COL21A1: variants seen among roughly 807,000 people sequenced by gnomAD.
The protein encoded by COL21A1 is collagen type XXI alpha 1 chain.
A neutral mutation model predicts 137.9 loss-of-function variants in COL21A1; 149 were observed. The observed-to-expected ratio is 1.08, with a 90% CI of 0.95 to 1.24. COL21A1 has a LOEUF of 1.24. Ranked by LOEUF, COL21A1 falls within the 50% of genes most tolerant of loss-of-function variation. The pLI is 0.00. For missense variants in COL21A1, 1,167 were observed against 1,158.4 expected, an observed-to-expected ratio of 1.01 and a Z score of -0.11; for synonymous variants, 456 against 391.5, an observed-to-expected ratio of 1.16 and a Z score of -1.95.
At chr6:56,186,582 G>C (rs138080508) in intron 1 of COL21A1, among the ~76,000 whole-genome samples, 7 of 152,066 alleles carry the variant, frequency 4.6e-5, no homozygotes. Context: ...TATGGAAAAC[G>C]TGATAATCTA....
At chr6:56,129,906 C>T (rs755869167) in intron 12 of COL21A1, among the ~76,000 whole-genome samples, 10 of 150,462 alleles carry the variant, frequency 6.6e-5, no homozygotes, top group Non-Finnish European at 1.5e-4. Context: ...ATATGAACTC[C>T]TAATACAAGA....
chr6:56,232,520 T>C (rs1236004379), intron 1 of COL21A1, among the ~76,000 whole-genome samples: 1 of 151,876 alleles, frequency 6.6e-6, no homozygotes, highest in African/African-American at 2.4e-5. Flanking sequence ...GGTGGGAAAC[T>C]CTCCTATCTC....
At chr6:56,260,864 G>GTGTGTGTGTGTC (rs1763253973) in intron 1 of COL21A1, among the ~76,000 whole-genome samples, 2 of 139,720 alleles carry the variant, frequency 1.4e-5, no homozygotes, top group Admixed American at 1.4e-4. Flanking sequence ...GTGTGTGTGT[G>GTGTGTGTGTGTC]TGTGTGTGTG....
At chr6:56,221,349 T>C (rs1736001303) in intron 1 of COL21A1, among the ~76,000 whole-genome samples, 3 of 152,256 alleles carry the variant, frequency 2.0e-5, no homozygotes, top group South Asian at 4.1e-4. Flanking sequence ...AAGTCTTAGG[T>C]TCCAAACTAG....
chr6:56,385,143 A>T (rs1285374396), intron 1 of COL21A1, among the ~76,000 whole-genome samples: 1 of 152,204 alleles, frequency 6.6e-6, no homozygotes, highest in Non-Finnish European at 1.5e-5. Context: ...GTAGGGATCA[A>T]ATCTGAGTGT....
In COL21A1 at chr6:56,246,895, A is replaced by C. The variant is rs113474080; in HGVS notation, c.-39+492T>G. Among the ~76,000 whole-genome samples the C allele has an allele frequency of 3.6e-3, 542 of 152,250 alleles. 3 individuals are homozygous for C. Among genetic ancestry groups the C allele is most frequent in the African/African-American group, 0.013 (527 of 41,534 alleles). Reference sequence around the variant, plus strand: ...AGTCCCACCCCCAGAGATTCTGAGTAATTGGTCTGGGGTGCTGCTCAAGCA... The same window carrying C: ...AGTCCCACCCCCAGAGATTCTGAGTCATTGGTCTGGGGTGCTGCTCAAGCA... On this transcript the variant is annotated intron_variant, in intron 1 of 29. Transcript: ENST00000244728.
chr6:56,181,809 T>G (rs1777917178), intron 2 of COL21A1, among the ~76,000 whole-genome samples: 1 of 152,134 alleles, frequency 6.6e-6, no homozygotes, highest in African/African-American at 2.4e-5. Flanking sequence ...GCCCCTTAAC[T>G]TATTAAAATC....
Position 56,295,872 on chromosome 6 carries a change from G to A in COL21A1, c.-39+98099C>T, listed in dbSNP as rs144696532. ...TGGGATTTTCCACATAGACAATCAT[G>A]TCATCTGAAAACAATTTTATTTCTT... On this transcript the variant is annotated intron_variant, in intron 1 of 28. Coordinates refer to the COL21A1 transcript ENST00000370819. Among the ~76,000 whole-genome samples, 3 of 151,958 alleles carry A rather than the reference G, an allele frequency of 2.0e-5. No individual in the cohort carries two copies. In the East Asian group the frequency reaches 5.8e-4, roughly 29 times the overall value.
intron 16 of COL21A1, among the ~76,000 whole-genome samples, chr6:56,119,965 A>C (rs563969875): frequency 1.3e-5 from 2 of 152,296 alleles, no homozygotes; most frequent in South Asian, 4.1e-4. Flanking sequence ...CTACAGAAAA[A>C]CATTGGGGGA....
chr6:56,098,739 G>A (rs1262145850), intron 17 of COL21A1, among the ~76,000 whole-genome samples: 16 of 96,530 alleles, frequency 1.7e-4, no homozygotes, highest in Non-Finnish European at 2.6e-4. Context: ...ATTTTGAGAC[G>A]GGGTCTTGCT....
chr6:56,284,928 T>C (rs1254995789), intron 1 of COL21A1, among the ~76,000 whole-genome samples: 1 of 152,212 alleles, frequency 6.6e-6, no homozygotes, highest in African/African-American at 2.4e-5. Flanking sequence ...ATTAGACTCA[T>C]TTAGGATGGC....
intron 1 of COL21A1, among the ~76,000 whole-genome samples, chr6:56,317,929 GT>G (rs1277979310): frequency 1.3e-5 from 2 of 152,186 alleles, no homozygotes; most frequent in Non-Finnish European, 2.9e-5. Flanking sequence ...TTTAATTGTA[GT>G]TTTTCTTAGC....
At chr6:56,198,716 A>C (rs977835467) in intron 1 of COL21A1, among the ~76,000 whole-genome samples, 17 of 152,146 alleles carry the variant, frequency 1.1e-4, no homozygotes, top group Non-Finnish European at 2.4e-4. Context: ...GTCATTTGGA[A>C]ATACTATATC....
At chr6:56,267,073 T>G (rs1370931345) in intron 1 of COL21A1, among the ~76,000 whole-genome samples, 2 of 152,232 alleles carry the variant, frequency 1.3e-5, no homozygotes, top group East Asian at 3.9e-4. Context: ...ATCTTAATTC[T>G]CTATATGGCA....
intron 1 of COL21A1, among the ~76,000 whole-genome samples, chr6:56,270,798 C>A (rs1763506801): frequency 6.6e-6 from 1 of 152,194 alleles, no homozygotes; most frequent in Non-Finnish European, 1.5e-5. Flanking sequence ...CTTCCTCCCT[C>A]ATGCTCTGTC....
At chr6:56,161,851 T>C (rs1291336113) in intron 9 of COL21A1, among the ~76,000 whole-genome samples, 1 of 152,108 alleles carries the variant, frequency 6.6e-6, no homozygotes, top group Non-Finnish European at 1.5e-5. Context: ...TTAAAAAAAA[T>C]AACTATCTTA....
Position 56,168,746 on chromosome 6 carries a change from T to TGAG in COL21A1, c.1027-452_1027-450dup, listed in dbSNP as rs1474693082. ...GTTGCTCATTCTCTCTCTCTGTCTC[T>TGAG]GAGTGTTCTTCTCCCTCAACCTACC... On this transcript the variant is annotated intron_variant, in intron 5 of 29. Transcript: ENST00000244728. Among the ~76,000 whole-genome samples the TGAG allele has an allele frequency of 2.6e-5, 4 of 152,164 alleles. No individual in the cohort carries two copies. In the South Asian group the frequency reaches 8.3e-4, roughly 32 times the overall value.
chr6:56,335,212 A>G (rs1277038059), intron 1 of COL21A1, among the ~76,000 whole-genome samples: 2 of 152,124 alleles, frequency 1.3e-5, no homozygotes, highest in Non-Finnish European at 2.9e-5. Context: ...TCCTCTCTCT[A>G]TAGATGGTCT....
intron 17 of COL21A1, among the ~76,000 whole-genome samples, chr6:56,081,311 T>C (rs1328608180): frequency 2.0e-5 from 3 of 151,620 alleles, no homozygotes; most frequent in Non-Finnish European, 3.0e-5. Flanking sequence ...AAAATGTCCA[T>C]TATATGTAGG....
Sources: gnomAD v4.1 joint callset for allele counts (sites outside exome capture counted in the v4.1 genomes callset) on GRCh38, gnomAD v4.1.1 for gene constraint, MANE v1.5 for transcripts, NCBI Gene and HGNC (gene_info 2026-07-23, HGNC 2026-07-21) for gene names.